Variants in ERCC6L2 observed in about 807,000 individuals in gnomAD.
The protein encoded by ERCC6L2 is DNA excision repair protein ERCC-6-like 2.
A neutral mutation model predicts 132.0 loss-of-function variants in ERCC6L2; 77 were observed. That is an observed-to-expected ratio of 0.58 (90% CI 0.49 to 0.71). The LOEUF (loss-of-function observed/expected upper bound fraction) is 0.71, where lower values mean the gene tolerates loss of function less well. ERCC6L2 is among the 30% of genes least tolerant of loss of function. ERCC6L2 has a pLI of 0.00. For synonymous variants in ERCC6L2, 583 were observed against 632.4 expected (o/e 0.92, Z 1.17); for missense variants, 1,542 against 1,837.6 (o/e 0.84, Z 2.94).
rs1231490273 is a variant in ERCC6L2, at chr9:96,018,201, A to T, written c.*4998A>T. 6.6e-6 allele frequency among the ~76,000 whole-genome samples: 1 copy of T among 152,180 alleles called. No individual in the cohort carries two copies. Among genetic ancestry groups the T allele is most frequent in the Non-Finnish European group, 1.5e-5 (1 of 68,030 alleles). On this transcript the variant is annotated 3_prime_UTR_variant, in exon 19 of 19. Transcript: ENST00000653738. Reference sequence around the variant, plus strand: ...AGCAATGTGAATTTAATGACACTGAAGTGTACACTTAAAAGTCATTAAAAT... The same window carrying T: ...AGCAATGTGAATTTAATGACACTGATGTGTACACTTAAAAGTCATTAAAAT...
chr9:96,004,246 G>T (rs922346282), intron 17 of ERCC6L2, among the ~76,000 whole-genome samples: 2 of 152,058 alleles, frequency 1.3e-5, no homozygotes, highest in Non-Finnish European at 2.9e-5. Context: ...GGTATAGTAG[G>T]TATCAACGTA....
intron 17 of ERCC6L2, among the ~76,000 whole-genome samples, chr9:96,003,184 A>G (rs1479366000): frequency 1.3e-5 from 2 of 152,080 alleles, no homozygotes; most frequent in Non-Finnish European, 2.9e-5. Flanking sequence ...TATTTGTTAC[A>G]TGTGCTCAAT....
rs912179151 is a variant in ERCC6L2 at position 95,984,312 on chromosome 9, ATATAT to A, written c.3492+6103_3492+6107del. 4.0e-5 allele frequency among the ~76,000 whole-genome samples: 6 copies of A among 149,624 alleles called. No homozygotes were observed. The East Asian group carries it at 7.8e-4, about 19-fold the overall frequency. On this transcript the variant is annotated intron_variant, in intron 17 of 18. Transcript: ENST00000653738. Reference sequence around the variant, plus strand: ...TGTTATATGTTATATATGTATAAATATATATTATATGTGTATATATATATGTAATA... The same window carrying A: ...TGTTATATGTTATATATGTATAAATATATATGTGTATATATATATGTAATA...
chr9:95,942,181 C>T (rs1830835379), intron 12 of ERCC6L2, among the ~76,000 whole-genome samples: 1 of 152,002 alleles, frequency 6.6e-6, no homozygotes, highest in South Asian at 2.1e-4. Context: ...ATCATAAAGC[C>T]AGAGCCAAGC....
At position 95,916,405 on chromosome 9, in the gene ERCC6L2, A is replaced by G. The variant is rs758387641; in HGVS notation, c.1129A>G (p.Lys377Glu). The G allele has an allele frequency of 1.9e-6, 3 of 1,586,288 alleles. No homozygotes were observed. The highest frequency in any genetic ancestry group is 2.3e-5 in the South Asian group (2 of 86,240). Reference sequence around the variant, plus strand: ...TCTCAGGCGCACCAAGACTCTTATCAAGGATCAGTTGCCTAAGAAGGAAGA... The same window carrying G: ...TCTCAGGCGCACCAAGACTCTTATCGAGGATCAGTTGCCTAAGAAGGAAGA... ...WFLRRTKTLI[K>E]DQLPKKEDRM... Residue 377 changes from lysine to glutamate, a missense_variant, in exon 6 of 19, where the codon AAG (lysine) becomes GAG (glutamate). Physicochemically the swap from Lys to Glu is moderately conservative, Grantham distance 56 (BLOSUM62 1). Around this residue, in one of 4 missense-constraint regions of ERCC6L2, gnomAD observed 945 missense variants for 1,105.2 expected, o/e 0.86. Transcript: ENST00000653738.
At chr9:95,882,563 C>T (rs1827648691) in intron 2 of ERCC6L2, among the ~76,000 whole-genome samples, 1 of 151,984 alleles carries the variant, frequency 6.6e-6, no homozygotes, top group African/African-American at 2.4e-5. Context: ...CTTCATATTA[C>T]CTCCATTAGT....
At chr9:96,018,487 G>A (rs1834229470), downstream of ERCC6L2, among the ~76,000 whole-genome samples, 1 of 151,620 alleles carries the variant, frequency 6.6e-6, no homozygotes. Context: ...GTAAGACAGA[G>A]TCTCACTCTG....
intron 2 of ERCC6L2, among the ~76,000 whole-genome samples, chr9:95,897,460 A>G (rs1828526410): frequency 1.3e-5 from 2 of 152,144 alleles, no homozygotes; most frequent in African/African-American, 4.8e-5. Flanking sequence ...TATGGGCCAA[A>G]TATTATCCCC....
intron 6 of ERCC6L2, among the ~76,000 whole-genome samples, chr9:95,917,062 G>A (rs557674271): frequency 1.6e-4 from 24 of 152,076 alleles, no homozygotes; most frequent in Non-Finnish European, 3.1e-4. Flanking sequence ...CTGTTCACAC[G>A]TTGTCCTTCC....
chr9:95,917,692 G>A (rs1829665563), intron 6 of ERCC6L2, among the ~76,000 whole-genome samples: 1 of 152,168 alleles, frequency 6.6e-6, no homozygotes, highest in East Asian at 1.9e-4. Context: ...GAGGTTTAGA[G>A]CTTGGCCTCT....
intron 2 of ERCC6L2, among the ~76,000 whole-genome samples, chr9:95,881,757 T>C (rs1488116011): frequency 2.0e-5 from 3 of 152,220 alleles, no homozygotes; most frequent in Non-Finnish European, 4.4e-5. Context: ...GTTTGTGAAC[T>C]TCAGAGAGAC....
chr9:95,972,422 A>G lies in ERCC6L2; in HGVS notation c.2671A>G (p.Ile891Val), dbSNP rs1202172083. Residue 891 changes from isoleucine to valine, a missense_variant, in exon 16 of 19, where the codon ATT (isoleucine) becomes GTT (valine). Around this residue, in one of 4 missense-constraint regions of ERCC6L2, gnomAD observed 945 missense variants for 1,105.2 expected, o/e 0.86. Coordinates refer to ENST00000653738, the MANE Select transcript of ERCC6L2 (RefSeq NM_020207.7). ...KKIKNTDKHC[I>V]LQNVTESEDS... is the part of the protein sequence containing the mutation. ...AATTAAAAATACAGATAAACATTGCATTTTACAGAATGTCACAGAATCAGA... is the reference window on the plus strand; with the variant it reads ...AATTAAAAATACAGATAAACATTGCGTTTTACAGAATGTCACAGAATCAGA... The G allele has an allele frequency of 4.7e-6, 6 of 1,278,554 alleles. No homozygotes were observed. The highest frequency in any genetic ancestry group is 5.6e-5 in the East Asian group (1 of 17,956). The allele number at this position is 1,278,554 out of a possible 1,614,324, so 79.2% of individuals were successfully genotyped here.
At chr9:96,019,181 T>G (rs1276246180), downstream of ERCC6L2, among the ~76,000 whole-genome samples, 3 of 152,196 alleles carry the variant, frequency 2.0e-5, no homozygotes, top group East Asian at 5.8e-4. Flanking sequence ...TTTTGTAAAG[T>G]GGGATATGTT....
At position 95,875,777 on chromosome 9, in the gene ERCC6L2, G is replaced by C. The variant is rs543198988; in HGVS notation, c.-262G>C. 3.1e-4 allele frequency: 170 copies of C among 544,136 alleles called. 1 individual carries two copies. The Middle Eastern group carries it at 6.5e-3, about 21-fold the overall frequency. The allele number at this position is 544,136 out of a possible 1,614,324, so 33.7% of individuals were successfully genotyped here. On this transcript the variant is annotated 5_prime_UTR_variant, in exon 1 of 19. Transcript: ENST00000653738. ...AGCCCGAGAGAACTAGGTGAACACCGCTTTGCCAGCCTCACACAGCGTCCC... is the reference window on the plus strand; with the variant it reads ...AGCCCGAGAGAACTAGGTGAACACCCCTTTGCCAGCCTCACACAGCGTCCC...
At chr9:96,024,738 G>T (rs1834339198) in intron 19 of ERCC6L2, among the ~76,000 whole-genome samples, 1 of 152,176 alleles carries the variant, frequency 6.6e-6, no homozygotes, top group Non-Finnish European at 1.5e-5. Flanking sequence ...ACACCCTGTT[G>T]CTTTGGTGTG....
intron 12 of ERCC6L2, chr9:95,954,813 C>T: frequency 2.1e-6 from 1 of 471,154 alleles, no homozygotes; most frequent in Non-Finnish European, 4.4e-6. Flanking sequence ...GAATGCAGTA[C>T]CTTACCCCTG....
chr9:95,955,883 A>G (rs780697215), intron 12 of ERCC6L2, 31 bp from the exon 13 acceptor site: 23 of 1,425,652 alleles, frequency 1.6e-5, no homozygotes. Context: ...GCTTCACTTG[A>G]TTTTTGTTTG....
intron 8 of ERCC6L2, 120 bp from the exon 9 acceptor site, chr9:95,923,140 C>T (rs1460453560): frequency 2.1e-5 from 26 of 1,239,950 alleles, no homozygotes; most frequent in Non-Finnish European, 2.7e-5. Flanking sequence ...CTTAGGGAAG[C>T]AAAAATCTTT....
chr9:96,009,834 G>GT lies in ERCC6L2; in HGVS notation c.3675-2389dup, dbSNP rs1833972298. Among the ~76,000 whole-genome samples, 6 of 152,346 alleles carry GT rather than the reference G, an allele frequency of 3.9e-5. No individual in the cohort carries two copies. The South Asian group carries it at 1.2e-3, about 32-fold the overall frequency. ...TTGCAGACTACTCAGATAAAATGAG[G>GT]TTAGAAGCAGCTCTCCTCCCAGAGG... On this transcript the variant is annotated intron_variant, in intron 18 of 18. Transcript: ENST00000653738.
Sources: gnomAD v4.1 joint callset for allele counts (sites outside exome capture counted in the v4.1 genomes callset) on GRCh38, gnomAD v4.1.1 for gene constraint, gnomAD v4.1.1 regional missense constraint, MANE v1.5 for transcripts, NCBI Gene and HGNC (gene_info 2026-07-23, HGNC 2026-07-21) for gene names.